Variants in XKR6 observed in about 807,000 individuals in gnomAD.
XKR6 encodes the protein XK-related protein 6.
In XKR6, 22 loss-of-function variants were observed where a neutral mutation model predicts 56.7. The ratio of observed to expected loss-of-function variants is 0.39; its 90% confidence interval spans 0.28 to 0.55. XKR6 has a LOEUF of 0.55. XKR6 is among the 20% of genes least tolerant of loss of function. XKR6 has a pLI of 0.66. For synonymous variants in XKR6, 524 were observed against 387.8 expected (o/e 1.35, Z -4.13); for missense variants, 852 against 889.0 (o/e 0.96, Z 0.53).
chr8:10,983,213 A>C (rs1797775687), intron 1 of XKR6, among the ~76,000 whole-genome samples: 1 of 152,190 alleles, frequency 6.6e-6, no homozygotes. Flanking sequence ...AATGTTTTAA[A>C]TGTAGAAGTG....
chr8:11,007,518 C>T (rs1488096289), intron 1 of XKR6, among the ~76,000 whole-genome samples: 1 of 152,160 alleles, frequency 6.6e-6, no homozygotes, highest in Non-Finnish European at 1.5e-5. Context: ...CCAGTAATGT[C>T]GTTTCCATTC....
chr8:11,159,332 T>TA (rs1287116788), intron 1 of XKR6, among the ~76,000 whole-genome samples: 10 of 152,202 alleles, frequency 6.6e-5, no homozygotes, highest in African/African-American at 1.9e-4. Context: ...TCTCAAAACT[T>TA]ACTTTACTAA....
intron 1 of XKR6, among the ~76,000 whole-genome samples, chr8:10,988,888 G>A (rs1797924758): frequency 6.6e-6 from 1 of 152,200 alleles, no homozygotes; most frequent in African/African-American, 2.4e-5. Context: ...CCGGTGGCTT[G>A]TGGAACGTTT....
chr8:11,031,305 G>A (rs1032838969), intron 1 of XKR6, among the ~76,000 whole-genome samples: 2 of 152,240 alleles, frequency 1.3e-5, no homozygotes, highest in African/African-American at 4.8e-5. Context: ...GTGACCCAAC[G>A]GCTCAGCTGC....
chr8:11,001,208 ACTCCCCTT>A (rs1798231125), intron 1 of XKR6, among the ~76,000 whole-genome samples: 1 of 152,146 alleles, frequency 6.6e-6, no homozygotes, highest in African/African-American at 2.4e-5. Context: ...TGAAGGAAGA[ACTCCCCTT>A]CCGATGGAGA....
intron 1 of XKR6, among the ~76,000 whole-genome samples, chr8:11,003,268 T>C (rs753535587): frequency 6.6e-6 from 1 of 152,088 alleles, no homozygotes; most frequent in African/African-American, 2.4e-5. Flanking sequence ...TACAACATCA[T>C]TGTCAACACC....
At chr8:11,196,933 A>C (rs943893982) in intron 1 of XKR6, among the ~76,000 whole-genome samples, 1 of 152,172 alleles carries the variant, frequency 6.6e-6, no homozygotes, top group African/African-American at 2.4e-5. Flanking sequence ...TTAAAAAAAT[A>C]ATAAAGCATC....
Position 11,065,539 on chromosome 8 carries a change from AT to A in XKR6, c.764+135036del, listed in dbSNP as rs201319433. ...ACACCAACTGCAGTCTCATCTACTT[AT>A]TTTTTTTTCTTTCACTCTATTTGCA... is the stretch of plus-strand genomic sequence containing the variant. On this transcript the variant is annotated intron_variant, in intron 1 of 2. Coordinates refer to ENST00000416569, the MANE Select transcript of XKR6 (RefSeq NM_173683.4). Among the ~76,000 whole-genome samples the A allele has an allele frequency of 1.1e-4, 16 of 147,964 alleles. No individual in the cohort carries two copies. In the East Asian group the frequency reaches 1.6e-3, roughly 15 times the overall value.
intron 2 of XKR6, among the ~76,000 whole-genome samples, chr8:10,917,028 C>A (rs188012936): frequency 5.3e-4 from 80 of 150,960 alleles, no homozygotes; most frequent in Non-Finnish European, 9.9e-4. Context: ...TGTTTATATG[C>A]AGGGTTTATA....
intron 1 of XKR6, among the ~76,000 whole-genome samples, chr8:11,071,526 CATGAGCCCCGAGTCT>C (rs1563117604): frequency 2.3e-3 from 109 of 47,020 alleles, no homozygotes; most frequent in Admixed American, 6.6e-3. Flanking sequence ...GCCCCGAGTC[CATGAGCCCCGAGTCT>C]ATGAGCCCCG....
chr8:11,085,452 GTGTGTA>G (rs923043657), intron 1 of XKR6, among the ~76,000 whole-genome samples: 28 of 152,100 alleles, frequency 1.8e-4, no homozygotes, highest in Admixed American at 2.6e-4. Flanking sequence ...GTGTGTGTGT[GTGTGTA>G]TGTATGTGCA....
At chr8:11,114,406 G>T (rs141048308) in intron 1 of XKR6, among the ~76,000 whole-genome samples, 187 of 152,216 alleles carry the variant, frequency 1.2e-3, no homozygotes, top group African/African-American at 4.3e-3. Context: ...TGTCACCCAG[G>T]CTAGAGTGCA....
At chr8:10,975,441 G>A (rs1385219182) in intron 1 of XKR6, among the ~76,000 whole-genome samples, 2 of 152,222 alleles carry the variant, frequency 1.3e-5, no homozygotes, top group Admixed American at 6.5e-5. Flanking sequence ...GCCAAGAGCC[G>A]CCTTTGGTCC....
chr8:10,944,111 C>A (rs1801465003), intron 1 of XKR6, among the ~76,000 whole-genome samples: 1 of 152,112 alleles, frequency 6.6e-6, no homozygotes, highest in Non-Finnish European at 1.5e-5. Context: ...CCCAGCGCCC[C>A]CCAGCCCACC....
intron 1 of XKR6, among the ~76,000 whole-genome samples, chr8:11,148,932 T>C (rs1324343504): frequency 6.6e-6 from 1 of 152,230 alleles, no homozygotes; most frequent in African/African-American, 2.4e-5. Context: ...AGACAGTGTG[T>C]AATTCCATCA....
intron 1 of XKR6, among the ~76,000 whole-genome samples, chr8:10,927,352 C>T (rs1359556419): frequency 1.3e-5 from 2 of 152,126 alleles, no homozygotes; most frequent in Admixed American, 1.3e-4. Context: ...GAGCTGCCCC[C>T]TGTGACCCAA....
At chr8:11,189,783 T>A (rs1248121302) in intron 1 of XKR6, among the ~76,000 whole-genome samples, 1 of 152,194 alleles carries the variant, frequency 6.6e-6, no homozygotes, top group East Asian at 1.9e-4. Flanking sequence ...CCATCCCAGA[T>A]CTCTTGGATT....
At chr8:11,052,916 G>A (rs1799590660) in intron 1 of XKR6, among the ~76,000 whole-genome samples, 1 of 152,172 alleles carries the variant, frequency 6.6e-6, no homozygotes, top group Non-Finnish European at 1.5e-5. Context: ...GGGCTGTTGG[G>A]CACCTGCACC....
At chr8:10,983,385 G>C (rs865980264) in intron 1 of XKR6, among the ~76,000 whole-genome samples, 3 of 152,076 alleles carry the variant, frequency 2.0e-5, no homozygotes, top group African/African-American at 4.8e-5. Context: ...AGGCCTATTT[G>C]CTCCATTCTG....
Sources: gnomAD v4.1 joint callset for allele counts (sites outside exome capture counted in the v4.1 genomes callset) on GRCh38, gnomAD v4.1.1 for gene constraint, MANE v1.5 for transcripts, NCBI Gene and HGNC (gene_info 2026-07-23, HGNC 2026-07-21) for gene names.